Variants in SCAF11 observed in about 807,000 individuals in gnomAD.
SCAF11 encodes the protein SR-related CTD associated factor 11, also known as protein SCAF11.
A neutral mutation model predicts 140.5 loss-of-function variants in SCAF11; 47 were observed. That is an observed-to-expected ratio of 0.33 (90% CI 0.26 to 0.43). The LOEUF (loss-of-function observed/expected upper bound fraction) is 0.43. Among genes scored for constraint, SCAF11 ranks in the 20% least tolerant of loss-of-function variants. SCAF11 has a pLI of 1.00. For synonymous variants in SCAF11, 557 were observed against 579.4 expected (o/e 0.96, Z 0.55); for missense variants, 1,645 against 1,705.1 (o/e 0.96, Z 0.62).
At chr12:45,982,158 A>T (rs1207567745) in intron 1 of SCAF11, among the ~76,000 whole-genome samples, 1 of 152,170 alleles carries the variant, frequency 6.6e-6, no homozygotes, top group Admixed American at 6.5e-5. Flanking sequence ...CGTTTCATCC[A>T]TCTCCCTCAT....
At chr12:45,934,539 G>A (rs1390601388) in intron 6 of SCAF11, 34 bp from the exon 7 acceptor site, 2 of 1,434,354 alleles carry the variant, frequency 1.4e-6, no homozygotes, top group Non-Finnish European at 1.9e-6. Context: ...TGGTTACCTT[G>A]TATTAATTTT....
intron 4 of SCAF11, among the ~76,000 whole-genome samples, chr12:45,949,061 G>A (rs1442359126): frequency 1.3e-5 from 2 of 152,196 alleles, no homozygotes; most frequent in Non-Finnish European, 2.9e-5. Context: ...CAGAGAGTAA[G>A]CGGACTTTTT....
chr12:45,936,102 A>G (rs116657830), intron 6 of SCAF11, among the ~76,000 whole-genome samples: 1,568 of 151,158 alleles, frequency 0.01, 30 homozygotes, highest in African/African-American at 0.037. Context: ...ACATTTACTT[A>G]TTACTAAATA....
intron 7 of SCAF11, 41 bp downstream of exon 7, chr12:45,934,406 G>A: frequency 6.7e-7 from 1 of 1,495,634 alleles, no homozygotes; most frequent in Non-Finnish European, 9.1e-7. Context: ...ACCCTAAAGT[G>A]TTATCATCTA....
chr12:45,970,922 A>G (rs1192596186), intron 1 of SCAF11, among the ~76,000 whole-genome samples: 1 of 152,252 alleles, frequency 6.6e-6, no homozygotes, highest in Non-Finnish European at 1.5e-5. Context: ...ATAATGATGC[A>G]TGTCACCTCA....
In SCAF11 at chr12:45,927,444, A is replaced by T; in HGVS notation, c.2257T>A (p.Ser753Thr). ...TCAGAAGACGGCATATTATTTTCAG[A>T]ACAGTGTGTCACAGAATTTTCATTC... is the stretch of plus-strand genomic sequence containing the variant. The part of the protein sequence containing the change: ...QMNENSVTHC[S>T]ENNMPSSDLA... Residue 753 changes from serine (S) to threonine (T), a missense_variant, in exon 11 of 15, where the codon TCT (serine) becomes ACT (threonine). Transcript: ENST00000369367. 6.2e-7 allele frequency: 1 copy of T among 1,613,606 alleles called. No individual in the cohort carries two copies. The highest frequency in any genetic ancestry group is 8.5e-7 in the Non-Finnish European group (1 of 1,179,902).
At chr12:45,973,522 C>T (rs888322298) in intron 1 of SCAF11, among the ~76,000 whole-genome samples, 2 of 152,186 alleles carry the variant, frequency 1.3e-5, no homozygotes, top group African/African-American at 4.8e-5. Context: ...CCAATGAAAT[C>T]CATGCCTGGA....
upstream of SCAF11, chr12:45,990,715 C>G (rs1212094936): frequency 3.0e-6 from 2 of 661,672 alleles, no homozygotes; most frequent in Non-Finnish European, 4.2e-6. Context: ...CTCGCTCGCT[C>G]TGGCCCTGAG....
At position 45,926,447 on chromosome 12, in the gene SCAF11, C is replaced by T. The variant is rs763441698; in HGVS notation, c.3254G>A (p.Ser1085Asn). Residue 1085 changes from serine to asparagine, a missense_variant, in exon 11 of 15, where the codon AGT becomes AAT. By Grantham distance (46) the Ser-to-Asn change is conservative. Transcript: ENST00000369367. ...ATTCTGATCTTTATAGGCAAAACTACTTCTGTAAGTGCCTCTGCCACGGTT... is the reference window on the plus strand; with the variant it reads ...ATTCTGATCTTTATAGGCAAAACTATTTCTGTAAGTGCCTCTGCCACGGTT... ...RGNRGRGTYR[S>N]SFAYKDQNEN... 7 of 1,614,226 alleles carry T rather than the reference C, an allele frequency of 4.3e-6. No homozygotes were observed. The South Asian group carries it at 6.6e-5, about 15-fold the overall frequency.
At chr12:45,972,885 T>TATATAG (rs1565688689) in intron 1 of SCAF11, among the ~76,000 whole-genome samples, 336 of 33,472 alleles carry the variant, frequency 0.01, 9 homozygotes, top group Non-Finnish European at 1.0e-2. Flanking sequence ...TATATAGATA[T>TATATAG]ATATATAGAT....
chr12:45,961,593 G>T, intron 3 of SCAF11, 107 bp downstream of exon 3: 1 of 948,924 alleles, frequency 1.1e-6, no homozygotes. Context: ...GTCCAAAGTA[G>T]GAAGAAAATA....
chr12:45,950,790 TA>T (rs1861867207), intron 4 of SCAF11, among the ~76,000 whole-genome samples: 2 of 152,146 alleles, frequency 1.3e-5, no homozygotes, highest in Non-Finnish European at 2.9e-5. Flanking sequence ...GACAAATAAT[TA>T]AATAGTTGTA....
chr12:45,924,925 C>A lies in SCAF11; in HGVS notation c.3709G>T (p.Ala1237Ser), dbSNP rs778222898. ...NIFPYPVGVHAPLMNIQRNPF... is the reference protein window; with the variant it reads ...NIFPYPVGVHSPLMNIQRNPF... ...TTGCGTTGGATGTTCATCAAAGGAG[C>A]ATGAACACCCACTGGATATGGGAAG... Residue 1237 changes from alanine to serine, a missense_variant, in exon 12 of 15, where the codon GCT (alanine) becomes TCT (serine). By Grantham distance (99) the Ala-to-Ser change is moderately conservative. Coordinates refer to ENST00000369367, the MANE Select transcript of SCAF11 (RefSeq NM_004719.3). The A allele has an allele frequency of 6.8e-6, 11 of 1,614,110 alleles. No individual in the cohort carries two copies. The highest frequency in any genetic ancestry group is 9.3e-6 in the Non-Finnish European group (11 of 1,180,002).
chr12:45,987,756 G>A (rs1946492890), intron 1 of SCAF11, among the ~76,000 whole-genome samples: 1 of 152,174 alleles, frequency 6.6e-6, no homozygotes. Flanking sequence ...CTATGACTGA[G>A]AAGGGAAGCC....
At position 45,972,585 on chromosome 12, in the gene SCAF11, TAAA is replaced by T. The variant is rs76785973; in HGVS notation, c.-21-8400_-21-8398del. ...GATGCGACAGCAAAACCCTGTCTCT[TAAA>T]AAAAAAAAAAAAAAAAAAATCCAAA... On this transcript the variant is annotated intron_variant, in intron 1 of 14. Transcript: ENST00000369367. Among the ~76,000 whole-genome samples, 43 of 107,656 alleles carry T rather than the reference TAAA, an allele frequency of 4.0e-4. No homozygotes were observed. The South Asian group carries it at 8.3e-3, about 21-fold the overall frequency. The allele number at this position is 107,656 out of a possible 152,430, so 70.6% of individuals were successfully genotyped here.
upstream of SCAF11, chr12:45,992,008 T>C (rs1174442819): frequency 7.8e-7 from 1 of 1,288,694 alleles, no homozygotes; most frequent in Non-Finnish European, 1.0e-6. Context: ...TCCTCCCCAC[T>C]TTGCCGCGGC....
At chr12:45,949,618 A>C (rs1410221404) in intron 4 of SCAF11, among the ~76,000 whole-genome samples, 1 of 152,182 alleles carries the variant, frequency 6.6e-6, no homozygotes, top group East Asian at 1.9e-4. Context: ...GCAGAAAAAA[A>C]CAGATGAGGG....
rs1944961126 is a variant in SCAF11 at position 45,928,632 on chromosome 12, T to C, written c.1069A>G (p.Ser357Gly). The C allele has an allele frequency of 6.2e-7, 1 of 1,614,136 alleles. No individual in the cohort carries two copies. The highest frequency in any genetic ancestry group is 2.2e-5 in the East Asian group (1 of 44,882). ...TCTGACTCAGCTGAAGAGGGAACAC[T>C]TAAAGATGGATTACTGTTACCTGGG... ...DAPGNSNPSLSVPSSAESEKQ... is the reference protein window; with the variant it reads ...DAPGNSNPSLGVPSSAESEKQ... The change falls in exon 11 of 15, where the codon AGT (serine) becomes GGT (glycine). Residue 357 changes from serine (S) to glycine (G), a missense_variant. Ser to Gly is a moderately conservative substitution (Grantham distance 56). Transcript: ENST00000369367.
chr12:45,984,291 C>T (rs1231248352), intron 1 of SCAF11, among the ~76,000 whole-genome samples: 1 of 152,150 alleles, frequency 6.6e-6, no homozygotes, highest in East Asian at 1.9e-4. Flanking sequence ...TTTGGGTTTG[C>T]CTGATACTTC....
Sources: allele counts gnomAD v4.1 joint callset (sites outside exome capture counted in the v4.1 genomes callset), GRCh38; gene constraint gnomAD v4.1.1; transcripts MANE v1.5; gene names NCBI Gene and HGNC (gene_info 2026-07-23, HGNC 2026-07-21).